Variants in VEPH1 observed in about 807,000 individuals in gnomAD.
The protein encoded by VEPH1 is ventricular zone expressed PH domain containing 1.
In VEPH1, 80 loss-of-function variants were observed where a neutral mutation model predicts 85.2. That is an observed-to-expected ratio of 0.94 (90% CI 0.78 to 1.13). The LOEUF (loss-of-function observed/expected upper bound fraction) is 1.13. Ranked by LOEUF, VEPH1 falls within the 50% of genes most tolerant of loss-of-function variation. The pLI is 0.00. For synonymous variants in VEPH1, 297 were observed against 348.0 expected (o/e 0.85, Z 1.63); for missense variants, 955 against 980.5 (o/e 0.97, Z 0.35).
chr3:157,395,593 C>T (rs987377120), intron 6 of VEPH1, among the ~76,000 whole-genome samples: 20 of 152,180 alleles, frequency 1.3e-4, no homozygotes, highest in African/African-American at 4.8e-4. Flanking sequence ...TAAAATCCTC[C>T]TCTCCAAGGT....
intron 6 of VEPH1, among the ~76,000 whole-genome samples, chr3:157,402,422 C>T (rs571174011): frequency 5.9e-5 from 9 of 152,116 alleles, no homozygotes; most frequent in East Asian, 3.9e-4. Context: ...CTGCCTAAAG[C>T]GGAAGGAAGT....
chr3:157,437,546 A>G, intron 4 of VEPH1: 1 of 1,606,062 alleles, frequency 6.2e-7, no homozygotes, highest in East Asian at 2.2e-5. Flanking sequence ...GAGCACTCGG[A>G]ATGGGACAAG....
At chr3:157,431,414 G>A (rs1257684618) in intron 4 of VEPH1, among the ~76,000 whole-genome samples, 1 of 152,080 alleles carries the variant, frequency 6.6e-6, no homozygotes, top group Non-Finnish European at 1.5e-5. Context: ...TTCACAGCCA[G>A]CAACATGGCA....
chr3:157,428,200 T>C (rs1055068198), intron 5 of VEPH1, 122 bp downstream of exon 5: 2 of 1,053,944 alleles, frequency 1.9e-6, no homozygotes, highest in Non-Finnish European at 2.7e-6. Flanking sequence ...ATGAGCGCTT[T>C]CACTTAAAAA....
At chr3:157,270,498 T>A (rs1474571856) in intron 12 of VEPH1, among the ~76,000 whole-genome samples, 2 of 152,152 alleles carry the variant, frequency 1.3e-5, no homozygotes, top group African/African-American at 4.8e-5. Context: ...AATGTTTATA[T>A]GTTAATTTTA....
chr3:157,284,203 A>G (rs1048101515), intron 12 of VEPH1, among the ~76,000 whole-genome samples: 2 of 152,256 alleles, frequency 1.3e-5, no homozygotes, highest in South Asian at 4.1e-4. Context: ...CCATTTAAAA[A>G]TATTATTCAT....
chr3:157,416,480 C>A (rs1205228622), intron 5 of VEPH1, among the ~76,000 whole-genome samples: 1 of 152,182 alleles, frequency 6.6e-6, no homozygotes, highest in East Asian at 1.9e-4. Flanking sequence ...AGGTCCCTGG[C>A]ATATATGGCA....
intron 2 of VEPH1, among the ~76,000 whole-genome samples, chr3:157,477,899 A>G (rs1305942820): frequency 6.6e-6 from 1 of 152,162 alleles, no homozygotes; most frequent in Non-Finnish European, 1.5e-5. Flanking sequence ...CTTATTATAA[A>G]TTTCCTTAGA....
At position 157,289,656 on chromosome 3, in the gene VEPH1, T is replaced by C. The variant is rs1306833455; in HGVS notation, c.2011-2982A>G. The stretch of plus-strand genomic sequence containing the variant: ...GCTTGAGGTCAGTAGTTCTCTCTCC[T>C]ACTCAACCTTCTTTACCCTTCTGGG... On this transcript the variant is annotated intron_variant, in intron 11 of 13. Transcript: ENST00000362010. 1.3e-5 allele frequency among the ~76,000 whole-genome samples: 2 copies of C among 152,238 alleles called. 1 individual carries two copies. The highest frequency in any genetic ancestry group is 2.9e-5 in the Non-Finnish European group (2 of 68,044).
chr3:157,370,716 G>A (rs1727388790), intron 7 of VEPH1, among the ~76,000 whole-genome samples: 1 of 152,216 alleles, frequency 6.6e-6, no homozygotes. Flanking sequence ...ATCAGAATGT[G>A]ATCATGCCAA....
chr3:157,443,822 C>G (rs1229245881), intron 4 of VEPH1, among the ~76,000 whole-genome samples: 2 of 152,126 alleles, frequency 1.3e-5, no homozygotes, highest in South Asian at 2.1e-4. Flanking sequence ...GTTTTCTCAG[C>G]TGAGAAATCA....
intron 4 of VEPH1, among the ~76,000 whole-genome samples, chr3:157,454,996 T>A (rs182475782): frequency 6.6e-6 from 1 of 152,316 alleles, no homozygotes; most frequent in East Asian, 1.9e-4. Context: ...CCACTGTTGA[T>A]GGGCACCTAG....
chr3:157,333,320 G>T (rs751346970), intron 9 of VEPH1, among the ~76,000 whole-genome samples: 1 of 152,094 alleles, frequency 6.6e-6, no homozygotes, highest in South Asian at 2.1e-4. Context: ...CACAAAATCC[G>T]CCAGGGGAAG....
At chr3:157,375,474 C>T (rs1727983683) in intron 7 of VEPH1, among the ~76,000 whole-genome samples, 1 of 152,208 alleles carries the variant, frequency 6.6e-6, no homozygotes, top group Non-Finnish European at 1.5e-5. Context: ...AGGTTCTTTA[C>T]AGGCTGTGTT....
At chr3:157,281,045 T>C (rs1716030168) in intron 12 of VEPH1, among the ~76,000 whole-genome samples, 1 of 151,864 alleles carries the variant, frequency 6.6e-6, no homozygotes. Flanking sequence ...GAGAAATTAA[T>C]TCTGCTTAGG....
chr3:157,474,529 T>C (rs1243612362), intron 2 of VEPH1, among the ~76,000 whole-genome samples: 1 of 152,242 alleles, frequency 6.6e-6, no homozygotes, highest in African/African-American at 2.4e-5. Context: ...AATAATTTAG[T>C]AGCATCATTC....
chr3:157,343,896 C>T (rs1723893466), intron 9 of VEPH1, among the ~76,000 whole-genome samples: 1 of 152,106 alleles, frequency 6.6e-6, no homozygotes, highest in Admixed American at 6.5e-5. Context: ...TAAATGTAAT[C>T]CAGAATATAA....
At position 157,451,629 on chromosome 3, in the gene VEPH1, T is replaced by C. The variant is rs1418681982; in HGVS notation, c.529+8552A>G. 2.0e-5 allele frequency among the ~76,000 whole-genome samples: 3 copies of C among 152,232 alleles called. No homozygotes were observed. In the East Asian group the frequency reaches 5.8e-4, roughly 29 times the overall value. On this transcript the variant is annotated intron_variant, in intron 4 of 13. Transcript: ENST00000362010. Reference sequence around the variant, plus strand: ...TCATAAGCATAAAAGAGCATTTGGTTTGAAATCAGGCACAGGATGCAAATG... The same window carrying C: ...TCATAAGCATAAAAGAGCATTTGGTCTGAAATCAGGCACAGGATGCAAATG...
intron 6 of VEPH1, among the ~76,000 whole-genome samples, chr3:157,385,352 T>C (rs1729185144): frequency 6.6e-6 from 1 of 152,070 alleles, no homozygotes; most frequent in South Asian, 2.1e-4. Context: ...ATATTATAAA[T>C]ACTCTGTATA....
Sources: allele counts gnomAD v4.1 joint callset (sites outside exome capture counted in the v4.1 genomes callset), GRCh38; gene constraint gnomAD v4.1.1; transcripts MANE v1.5; gene names NCBI Gene and HGNC (gene_info 2026-07-23, HGNC 2026-07-21).